DUSP16: variants seen among roughly 807,000 people sequenced by gnomAD.
The protein encoded by DUSP16 is dual specificity phosphatase 16.
A neutral mutation model predicts 58.3 loss-of-function variants in DUSP16; 21 were observed. The observed-to-expected ratio is 0.36, with a 90% CI of 0.26 to 0.52. DUSP16 has a LOEUF of 0.52. DUSP16 is among the 20% of genes least tolerant of loss of function. The probability of loss-of-function intolerance (pLI) is 0.94; values close to 1 mark genes in which losing one functional copy is unlikely to be tolerated. For missense variants in DUSP16, 726 were observed against 819.0 expected, an observed-to-expected ratio of 0.89 and a Z score of 1.39; for synonymous variants, 320 against 323.8, an observed-to-expected ratio of 0.99 and a Z score of 0.12.
Position 12,500,558 on chromosome 12 carries a change from G to T in DUSP16, c.492C>A (p.Pro164=), listed in dbSNP as rs1052334605. ...CTCGCTGGCAGCCAAGATAAAGATT[G>T]GGAAGAATTCGGGTTGGCCCAATGT... ...VANIGPTRIL[P]NLYLGCQRDV... Residue 164 remains proline (P), a synonymous_variant, in exon 4 of 7, where the codon CCC becomes CCA. Coordinates refer to ENST00000298573, the MANE Select transcript of DUSP16 (RefSeq NM_030640.3). 1 of 1,611,806 alleles carries T rather than the reference G, an allele frequency of 6.2e-7. No homozygotes were observed. The highest frequency in any genetic ancestry group is 8.5e-7 in the Non-Finnish European group (1 of 1,179,174).
intron 1 of DUSP16, among the ~76,000 whole-genome samples, chr12:12,524,534 T>C (rs1221720149): frequency 6.6e-6 from 1 of 152,256 alleles, no homozygotes; most frequent in East Asian, 1.9e-4. Context: ...AAAATTTCTC[T>C]GTAGTTACTG....
In DUSP16 at chr12:12,520,872, TTA is replaced by T; in HGVS notation, c.225_226del (p.His75GlnfsTer3). 1 of 1,614,172 alleles carries T rather than the reference TTA, an allele frequency of 6.2e-7. No individual in the cohort carries two copies. The highest frequency in any genetic ancestry group is 8.5e-7 in the Non-Finnish European group (1 of 1,179,982). On this transcript the variant is annotated frameshift_variant and splice_region_variant, in exon 2 of 7. Transcript: ENST00000298573. LOFTEE classifies it high-confidence loss of function. Reference sequence around the variant, plus strand: ...AAAGGCAAAAAGGAAAGCGTTTACCTTATGTTTCGCTGAATGCTGGATGAGCT... The same window carrying T: ...AAAGGCAAAAAGGAAAGCGTTTACCTTGTTTCGCTGAATGCTGGATGAGCT...
intron 1 of DUSP16, among the ~76,000 whole-genome samples, chr12:12,528,475 CAGG>C (rs1233096016): frequency 1.3e-5 from 2 of 152,222 alleles, no homozygotes; most frequent in East Asian, 1.9e-4. Flanking sequence ...AGGCTGGAGG[CAGG>C]AGAAGAAAGA....
chr12:12,539,677 G>A (rs1243363641), intron 1 of DUSP16, among the ~76,000 whole-genome samples: 1 of 151,572 alleles, frequency 6.6e-6, no homozygotes, highest in African/African-American at 2.4e-5. Context: ...ACCAAGATTC[G>A]GGCCTCCAGC....
rs151298003 is a variant in DUSP16 at position 12,560,419 on chromosome 12, C to T, written c.-366+1698G>A. Among the ~76,000 whole-genome samples, 33 of 152,218 alleles carry T rather than the reference C, an allele frequency of 2.2e-4. No individual in the cohort carries two copies. In the East Asian group the frequency reaches 4.8e-3, roughly 22 times the overall value. On this transcript the variant is annotated intron_variant, in intron 1 of 6. Transcript: ENST00000298573. ...AAAAATTATTTTACCTAAAATCCAA[C>T]TCTTGGGCTGGTGTTATTTAGCCTA...
intron 3 of DUSP16, among the ~76,000 whole-genome samples, chr12:12,505,018 A>G (rs1459630480): frequency 1.3e-5 from 2 of 152,232 alleles, no homozygotes; most frequent in Non-Finnish European, 1.5e-5. Flanking sequence ...ATGTAATCCT[A>G]GAATGTACTG....
At chr12:12,541,717 G>GA (rs1210108914) in intron 1 of DUSP16, among the ~76,000 whole-genome samples, 2 of 152,144 alleles carry the variant, frequency 1.3e-5, no homozygotes, top group East Asian at 1.9e-4. Flanking sequence ...AAATAACTGT[G>GA]AAAAAAATTC....
intron 3 of DUSP16, among the ~76,000 whole-genome samples, chr12:12,510,969 G>C (rs1358409806): frequency 2.0e-5 from 3 of 152,214 alleles, no homozygotes; most frequent in Admixed American, 2.0e-4. Context: ...ACTGGATGAA[G>C]TTAGCAAGGT....
At chr12:12,546,023 AG>A (rs1452611499) in intron 1 of DUSP16, among the ~76,000 whole-genome samples, 1 of 152,248 alleles carries the variant, frequency 6.6e-6, no homozygotes, top group East Asian at 1.9e-4. Flanking sequence ...ATGTAATAAC[AG>A]TAACATCATG....
chr12:12,480,325 C>T lies in DUSP16; in HGVS notation c.713G>A (p.Gly238Glu). 6.2e-7 allele frequency: 1 copy of T among 1,613,922 alleles called. No homozygotes were observed. Among genetic ancestry groups the T allele is most frequent in the Non-Finnish European group, 8.5e-7 (1 of 1,179,944 alleles). The change falls in exon 6 of 7, where the codon GGA becomes GAA. Residue 238 changes from glycine (G) to glutamate (E), a missense_variant. Coordinates refer to ENST00000298573, the MANE Select transcript of DUSP16 (RefSeq NM_030640.3). ...AGCTAAACAGTGCACTAGAACACAT[C>T]CATTGGAGGCTTTTGCTTTCTCTGT... is the stretch of plus-strand genomic sequence containing the variant. Reference protein sequence around the residue: ...DFIEKAKASNGCVLVHCLAGI... With the variant: ...DFIEKAKASNECVLVHCLAGI...
At chr12:12,532,216 TAAAATACAC>T (rs1214015622) in intron 1 of DUSP16, among the ~76,000 whole-genome samples, 4 of 152,106 alleles carry the variant, frequency 2.6e-5, no homozygotes, top group Non-Finnish European at 4.4e-5. Flanking sequence ...ATCTTTCAGT[TAAAATACAC>T]ATGAAAAAAT....
intron 4 of DUSP16, among the ~76,000 whole-genome samples, chr12:12,490,688 C>A (rs1228947832): frequency 1.3e-5 from 2 of 152,158 alleles, no homozygotes; most frequent in Non-Finnish European, 2.9e-5. Flanking sequence ...TCTACCACTT[C>A]TACTTTTCAT....
At chr12:12,510,787 C>G (rs1216426024) in intron 3 of DUSP16, among the ~76,000 whole-genome samples, 1 of 152,162 alleles carries the variant, frequency 6.6e-6, no homozygotes, top group Non-Finnish European at 1.5e-5. Flanking sequence ...GAAGGCTTGA[C>G]AACCACATTG....
chr12:12,534,133 G>A (rs946187789), intron 1 of DUSP16, among the ~76,000 whole-genome samples: 2 of 152,190 alleles, frequency 1.3e-5, no homozygotes, highest in African/African-American at 4.8e-5. Context: ...GTATGCAGGA[G>A]ACCCCTTTGG....
intron 1 of DUSP16, among the ~76,000 whole-genome samples, chr12:12,537,817 G>GT (rs1944491167): frequency 6.6e-6 from 1 of 152,174 alleles, no homozygotes; most frequent in Non-Finnish European, 1.5e-5. Flanking sequence ...TAAATGTTCA[G>GT]TTTTTTCTCT....
intron 4 of DUSP16, among the ~76,000 whole-genome samples, chr12:12,492,269 C>T (rs1943771598): frequency 6.6e-6 from 1 of 152,154 alleles, no homozygotes; most frequent in Non-Finnish European, 1.5e-5. Context: ...TATATGTCCC[C>T]ACTCATCTTC....
chr12:12,476,943 T>C lies in DUSP16; in HGVS notation c.1888A>G (p.Met630Val). The C allele has an allele frequency of 6.2e-7, 1 of 1,614,190 alleles. No homozygotes were observed. The highest frequency in any genetic ancestry group is 1.3e-5 in the African/African-American group (1 of 75,050). The change falls in exon 7 of 7, where the codon ATG becomes GTG. Residue 630 changes from methionine to valine, a missense_variant. Met to Val is a conservative substitution (Grantham distance 21, BLOSUM62 1). Coordinates refer to ENST00000298573, the MANE Select transcript of DUSP16 (RefSeq NM_030640.3). ...EKQFKRRSCQ[M>V]EFGESIMSEN... ...GACATGATGCTCTCTCCAAATTCCA[T>C]TTGGCAGCTTCTGCGTTTAAACTGC...
chr12:12,531,417 T>G (rs1466517485), intron 1 of DUSP16, among the ~76,000 whole-genome samples: 3 of 152,222 alleles, frequency 2.0e-5, no homozygotes, highest in African/African-American at 7.2e-5. Flanking sequence ...TCAAAGTGAC[T>G]TATGGCTGGG....
intron 3 of DUSP16, among the ~76,000 whole-genome samples, chr12:12,503,748 G>A (rs1943946637): frequency 1.3e-5 from 2 of 151,976 alleles, no homozygotes; most frequent in East Asian, 1.9e-4. Flanking sequence ...CAGAGCACAT[G>A]TTAACTTACT....
Sources: gnomAD v4.1 joint callset for allele counts (sites outside exome capture counted in the v4.1 genomes callset) on GRCh38, gnomAD v4.1.1 for gene constraint, MANE v1.5 for transcripts, NCBI Gene and HGNC (gene_info 2026-07-23, HGNC 2026-07-21) for gene names.